The following CHAT variants were observed in gnomAD, a reference collection of about 807,000 sequenced individuals.
CHAT encodes acetyl CoA:choline O-acetyltransferase.
CHAT carries 61 observed loss-of-function variants against 76.9 expected under a neutral mutation model. The ratio of observed to expected loss-of-function variants is 0.79; its 90% CI spans 0.65 to 0.98. The LOEUF is 0.98. Ranked by LOEUF, CHAT falls within the 50% of genes least tolerant of loss-of-function variation. The probability of loss-of-function intolerance (pLI) is 0.00; values close to 1 mark genes in which losing one functional copy is unlikely to be tolerated. For synonymous variants in CHAT, 407 were observed against 397.4 expected (o/e 1.02, Z -0.29); for missense variants, 946 against 986.9 (o/e 0.96, Z 0.56).
chr10:49,636,590 G>A (rs1431969278), intron 7 of CHAT, among the ~76,000 whole-genome samples: 1 of 152,196 alleles, frequency 6.6e-6, no homozygotes, highest in East Asian at 1.9e-4. Context: ...TTGTATAAAT[G>A]TGGTATCAAT....
chr10:49,625,440 G>A (rs772084714), intron 5 of CHAT, 33 bp from the exon 6 acceptor site: 8 of 1,607,430 alleles, frequency 5.0e-6, no homozygotes, highest in Admixed American at 3.3e-5. Context: ...CCATCCCCTC[G>A]TGGCTGCCTC....
intron 10 of CHAT, among the ~76,000 whole-genome samples, chr10:49,650,136 A>T (rs912383662): frequency 6.6e-6 from 1 of 152,150 alleles, no homozygotes; most frequent in African/African-American, 2.4e-5. Flanking sequence ...CATCCTGGCA[A>T]CCACGTCTGC....
intron 7 of CHAT, among the ~76,000 whole-genome samples, chr10:49,643,671 G>T (rs535631215): frequency 6.6e-6 from 1 of 152,176 alleles, no homozygotes; most frequent in Non-Finnish European, 1.5e-5. Context: ...GAAGCTCAAA[G>T]CCTCAAAAGT....
Position 49,664,845 on chromosome 10 carries a change from C to A in CHAT, c.2046C>A (p.Tyr682Ter), listed in dbSNP as rs780026522. ...TCCCAAATGGGTATGGTGCCTGCTACAACCCCCAGCCAGAGACCATCCTTT... is the reference window on the plus strand; with the variant it reads ...TCCCAAATGGGTATGGTGCCTGCTAAAACCCCCAGCCAGAGACCATCCTTT... ...PVVPNGYGACYNPQPETILFC... is the reference protein window; with the variant it reads ...PVVPNGYGAC The change falls in exon 15 of 15, where the codon TAC (tyrosine) becomes TAA (stop). Residue 682 changes from tyrosine to a stop codon, truncating the protein, a stop_gained. Transcript: ENST00000337653. LOFTEE classifies it low-confidence loss of function (END_TRUNC). The A allele has an allele frequency of 6.2e-7, 1 of 1,614,210 alleles. No individual in the cohort carries two copies. Among genetic ancestry groups the A allele is most frequent in the Non-Finnish European group, 8.5e-7 (1 of 1,180,042 alleles).
chr10:49,645,907 C>CATGA (rs1403076976), intron 7 of CHAT, among the ~76,000 whole-genome samples: 1 of 152,198 alleles, frequency 6.6e-6, no homozygotes, highest in African/African-American at 2.4e-5. Flanking sequence ...GATGTGGGTT[C>CATGA]AAGGCAGCCT....
intron 7 of CHAT, among the ~76,000 whole-genome samples, chr10:49,638,527 T>A (rs892287080): frequency 6.6e-6 from 1 of 152,252 alleles, no homozygotes; most frequent in East Asian, 1.9e-4. Flanking sequence ...TGCCTTCGTG[T>A]GGGTTACCCG....
chr10:49,645,178 A>T (rs1479049952), intron 7 of CHAT, among the ~76,000 whole-genome samples: 1 of 152,202 alleles, frequency 6.6e-6, no homozygotes. Flanking sequence ...TCTACAAGCA[A>T]GGAAAGAAAG....
At chr10:49,634,770 A>G (rs1301219880) in intron 7 of CHAT, among the ~76,000 whole-genome samples, 1 of 151,366 alleles carries the variant, frequency 6.6e-6, no homozygotes, top group Non-Finnish European at 1.5e-5. Context: ...CCTTTCCCCC[A>G]GTTCTGGAAG....
At chr10:49,636,816 A>G (rs1245740350) in intron 7 of CHAT, among the ~76,000 whole-genome samples, 1 of 152,216 alleles carries the variant, frequency 6.6e-6, no homozygotes, top group Non-Finnish European at 1.5e-5. Context: ...TGCAACCTCC[A>G]GCATAAACGG....
At chr10:49,622,420 G>A (rs1375377222) in intron 5 of CHAT, among the ~76,000 whole-genome samples, 1 of 152,200 alleles carries the variant, frequency 6.6e-6, no homozygotes, top group Non-Finnish European at 1.5e-5. Flanking sequence ...TGCACAGGTG[G>A]AGTGAATTCA....
At chr10:49,646,794 A>C in intron 8 of CHAT, 120 bp downstream of exon 8, 16 of 1,164,262 alleles carry the variant, frequency 1.4e-5, no homozygotes, top group Non-Finnish European at 2.0e-5. Context: ...AGGCGCACTC[A>C]CTGGTTTCTG....
chr10:49,652,789 C>T (rs1391747045), intron 11 of CHAT, among the ~76,000 whole-genome samples: 1 of 151,902 alleles, frequency 6.6e-6, no homozygotes, highest in African/African-American at 2.4e-5. Flanking sequence ...CCCCAGCTCT[C>T]TCCTGCCTCC....
chr10:49,662,440 A>G (rs1334779195), intron 13 of CHAT, among the ~76,000 whole-genome samples: 1 of 152,218 alleles, frequency 6.6e-6, no homozygotes, highest in East Asian at 1.9e-4. Context: ...GCATGTGGAA[A>G]TGCGCAAGGG....
At chr10:49,651,657 G>A in intron 10 of CHAT, 1 of 527,204 alleles carries the variant, frequency 1.9e-6, no homozygotes, top group South Asian at 2.1e-5. Flanking sequence ...ACCCCACTCA[G>A]CTGAGCTCAC....
intron 5 of CHAT, among the ~76,000 whole-genome samples, chr10:49,624,331 A>T (rs1428550517): frequency 1.3e-5 from 2 of 152,250 alleles, no homozygotes; most frequent in Non-Finnish European, 2.9e-5. Flanking sequence ...CTCCCATCAC[A>T]TTGCTACAAA....
chr10:49,641,023 TCA>T (rs1564484424), intron 7 of CHAT, among the ~76,000 whole-genome samples: 1 of 152,208 alleles, frequency 6.6e-6, no homozygotes, highest in African/African-American at 2.4e-5. Context: ...CATTTATTTC[TCA>T]CAGTTTTGGA....
upstream of CHAT, chr10:49,611,166 C>T (rs1202426774): frequency 1.2e-6 from 2 of 1,614,184 alleles, no homozygotes; most frequent in Non-Finnish European, 8.5e-7. Flanking sequence ...ACCCCTTGAG[C>T]GGGCCCTTCA....
At chr10:49,621,499 C>G (rs1412158721) in intron 4 of CHAT, among the ~76,000 whole-genome samples, 4 of 152,316 alleles carry the variant, frequency 2.6e-5, no homozygotes, top group Admixed American at 2.6e-4. Flanking sequence ...TCCCGCTGCT[C>G]GTTTCTCCAG....
rs752229820 is a variant in CHAT at position 49,648,560 on chromosome 10, C to G, written c.1335C>G (p.Phe445Leu). ...TCGVVCEHSP[F>L]DGIVLVQCTE... ...GTGTGGTGTGCGAACACTCCCCATTCGATGGCATCGTCCTGGTGCAGTGCA... is the reference window on the plus strand; with the variant it reads ...GTGTGGTGTGCGAACACTCCCCATTGGATGGCATCGTCCTGGTGCAGTGCA... The change falls in exon 9 of 15, where the codon TTC (phenylalanine) becomes TTG (leucine). Residue 445 changes from phenylalanine to leucine, a missense_variant. Physicochemically the swap from Phe to Leu is conservative, Grantham distance 22. Around this residue, in one of 3 missense-constraint regions of CHAT, gnomAD observed 349 missense variants for 393.9 expected, o/e 0.89. Coordinates refer to ENST00000337653, the MANE Select transcript of CHAT (RefSeq NM_020549.5). 1.2e-6 allele frequency: 2 copies of G among 1,613,886 alleles called. No homozygotes were observed. Among genetic ancestry groups the G allele is most frequent in the Non-Finnish European group, 1.7e-6 (2 of 1,179,934 alleles).
Sources: allele counts gnomAD v4.1 joint callset (sites outside exome capture counted in the v4.1 genomes callset), GRCh38; gene constraint gnomAD v4.1.1; regional missense constraint gnomAD v4.1.1; transcripts MANE v1.5; gene names NCBI Gene and HGNC (gene_info 2026-07-23, HGNC 2026-07-21).